The following PATJ variants were observed in gnomAD, a reference collection of about 807,000 sequenced individuals.
The protein encoded by PATJ is PATJ crumbs cell polarity complex component, also known as inaD-like protein.
PATJ carries 190 observed loss-of-function variants against 224.9 expected under a neutral mutation model. The ratio of observed to expected loss-of-function variants is 0.84; its 90% CI spans 0.75 to 0.95. PATJ has a LOEUF of 0.95. Among genes scored for constraint, PATJ ranks in the 40% least tolerant of loss-of-function variants. The probability of loss-of-function intolerance (pLI) is 0.00; values close to 1 mark genes in which losing one functional copy is unlikely to be tolerated. For synonymous variants in PATJ, 769 were observed against 820.3 expected (o/e 0.94, Z 1.07); for missense variants, 2,121 against 2,270.3 (o/e 0.93, Z 1.34).
intron 7 of PATJ, among the ~76,000 whole-genome samples, chr1:61,786,499 T>C (rs1648557357): frequency 6.6e-6 from 1 of 152,098 alleles, no homozygotes; most frequent in African/African-American, 2.4e-5. Context: ...CTTGAATGTC[T>C]AATAGGTATC....
At chr1:62,160,659 G>T (rs2149079764) in intron 43 of PATJ, among the ~76,000 whole-genome samples, 1 of 152,234 alleles carries the variant, frequency 6.6e-6, no homozygotes, top group African/African-American at 2.4e-5. Context: ...TAAAAGCAGT[G>T]TATCAGTACA....
chr1:61,963,520 C>T (rs1246489247), intron 27 of PATJ, among the ~76,000 whole-genome samples: 1 of 152,002 alleles, frequency 6.6e-6, no homozygotes, highest in Non-Finnish European at 1.5e-5. Flanking sequence ...CACTAGAACC[C>T]AGGAGGCAGA....
chr1:61,966,147 AC>A (rs1682101948), intron 27 of PATJ, among the ~76,000 whole-genome samples: 1 of 152,034 alleles, frequency 6.6e-6, no homozygotes, highest in Admixed American at 6.6e-5. Context: ...TGATCCACCC[AC>A]CTTGGCCTCC....
chr1:62,096,585 C>T (rs1661422543), intron 33 of PATJ, among the ~76,000 whole-genome samples: 1 of 152,020 alleles, frequency 6.6e-6, no homozygotes, highest in South Asian at 2.1e-4. Context: ...AACAGGAAAA[C>T]TAGAAATGAA....
intron 29 of PATJ, among the ~76,000 whole-genome samples, chr1:62,029,963 A>G (rs373169661): frequency 6.6e-6 from 1 of 152,348 alleles, no homozygotes; most frequent in East Asian, 1.9e-4. Context: ...GGTTATTTTC[A>G]GGCTCGGTTC....
chr1:62,148,147 A>C, intron 41 of PATJ, 137 bp from the exon 42 acceptor site: 1 of 399,974 alleles, frequency 2.5e-6, no homozygotes, highest in Admixed American at 3.7e-5. Flanking sequence ...AAAAAGTTTG[A>C]GAGAATAGTC....
chr1:61,897,661 C>CT (rs1459704459), intron 22 of PATJ, among the ~76,000 whole-genome samples: 1 of 152,206 alleles, frequency 6.6e-6, no homozygotes, highest in Non-Finnish European at 1.5e-5. Context: ...GAAGTCTCAT[C>CT]TAGGGACTTT....
intron 31 of PATJ, among the ~76,000 whole-genome samples, chr1:62,071,367 T>A (rs559296685): frequency 6.6e-6 from 1 of 152,330 alleles, no homozygotes; most frequent in African/African-American, 2.4e-5. Flanking sequence ...AGGGTGCTCA[T>A]GTATTACTTC....
At chr1:61,747,040 T>G (rs1645057936) in intron 1 of PATJ, among the ~76,000 whole-genome samples, 1 of 152,240 alleles carries the variant, frequency 6.6e-6, no homozygotes, top group Admixed American at 6.5e-5. Context: ...ACTTGCTTTG[T>G]TAAAGTTTAA....
chr1:61,985,267 G>A (rs775067095), intron 27 of PATJ, among the ~76,000 whole-genome samples: 9 of 151,946 alleles, frequency 5.9e-5, no homozygotes, highest in Admixed American at 1.3e-4. Context: ...AACCGAGATC[G>A]TGCCACTGTA....
chr1:61,950,161 G>T (rs1280688799), intron 27 of PATJ, among the ~76,000 whole-genome samples: 2 of 151,078 alleles, frequency 1.3e-5, no homozygotes, highest in African/African-American at 2.4e-5. Flanking sequence ...CCGAGATCAC[G>T]CTGCTGCACT....
chr1:61,965,411 A>G (rs1413308068), intron 27 of PATJ, among the ~76,000 whole-genome samples: 1 of 152,188 alleles, frequency 6.6e-6, no homozygotes, highest in Non-Finnish European at 1.5e-5. Flanking sequence ...ATTTGAATAC[A>G]GTAATTATTA....
At chr1:61,864,990 T>C (rs1329936649) in intron 20 of PATJ, among the ~76,000 whole-genome samples, 1 of 152,078 alleles carries the variant, frequency 6.6e-6, no homozygotes, top group Admixed American at 6.5e-5. Context: ...ATTTTTCACA[T>C]AGTTTATTTA....
intron 18 of PATJ, among the ~76,000 whole-genome samples, chr1:61,859,062 T>G (rs1243204671): frequency 6.6e-6 from 1 of 152,210 alleles, no homozygotes; most frequent in Non-Finnish European, 1.5e-5. Flanking sequence ...GCAGGAACTT[T>G]GTCTAGACTT....
intron 1 of PATJ, among the ~76,000 whole-genome samples, chr1:61,746,412 A>G (rs1645028961): frequency 6.6e-6 from 1 of 152,224 alleles, no homozygotes; most frequent in African/African-American, 2.4e-5. Flanking sequence ...CAAGATGGAA[A>G]AGCAGGGGAA....
chr1:61,873,956 G>T (rs1667006895), intron 20 of PATJ, among the ~76,000 whole-genome samples: 1 of 152,074 alleles, frequency 6.6e-6, no homozygotes. Flanking sequence ...CCCTCTCTTT[G>T]CTGAGAGCTT....
chr1:62,132,077 A>G (rs991117929), intron 41 of PATJ, among the ~76,000 whole-genome samples: 2 of 152,004 alleles, frequency 1.3e-5, no homozygotes, highest in African/African-American at 4.8e-5. Flanking sequence ...CAAACTCCTG[A>G]CCTCAAGTGA....
intron 1 of PATJ, among the ~76,000 whole-genome samples, chr1:61,744,550 C>T (rs1644927557): frequency 7.2e-6 from 1 of 138,070 alleles, no homozygotes; most frequent in African/African-American, 2.6e-5. Context: ...ATGGATAGAA[C>T]TTATAAAATG....
chr1:61,798,869 G>A (rs1651882921), intron 11 of PATJ, among the ~76,000 whole-genome samples: 1 of 151,922 alleles, frequency 6.6e-6, no homozygotes, highest in Non-Finnish European at 1.5e-5. Context: ...GCGTGACAGA[G>A]TGAGACCTGT....
Sources: allele counts gnomAD v4.1 joint callset (sites outside exome capture counted in the v4.1 genomes callset), GRCh38; gene constraint gnomAD v4.1.1; transcripts MANE v1.5; gene names NCBI Gene and HGNC (gene_info 2026-07-23, HGNC 2026-07-21).